UNC5D: variants seen among roughly 807,000 people sequenced by gnomAD.
The protein encoded by UNC5D is netrin receptor UNC5D.
A neutral mutation model predicts 105.4 loss-of-function variants in UNC5D; 39 were observed. The ratio of observed to expected loss-of-function variants is 0.37; its 90% CI spans 0.29 to 0.48. The LOEUF (loss-of-function observed/expected upper bound fraction) is 0.48. Ranked by LOEUF, UNC5D falls within the 20% of genes least tolerant of loss-of-function variation. The pLI is 0.98. For synonymous variants in UNC5D, 452 were observed against 450.4 expected, an observed-to-expected ratio of 1.00 and a Z score of -0.04; for missense variants, 991 against 1,202.4, an observed-to-expected ratio of 0.82 and a Z score of 2.60.
At chr8:35,568,007 A>G in intron 2 of UNC5D, 91 bp from the exon 3 acceptor site, 1 of 1,531,530 alleles carries the variant, frequency 6.5e-7, no homozygotes, top group Non-Finnish European at 8.8e-7. Context: ...GGATTGTTTA[A>G]TTAAAAAGAA....
At chr8:35,686,844 G>T in intron 7 of UNC5D, 135 bp downstream of exon 7, 1 of 1,138,768 alleles carries the variant, frequency 8.8e-7, no homozygotes, top group Non-Finnish European at 1.2e-6. Flanking sequence ...AAATAAATTA[G>T]GTAAAAAGTG....
chr8:35,270,064 G>A (rs978562972), intron 1 of UNC5D, among the ~76,000 whole-genome samples: 2 of 152,128 alleles, frequency 1.3e-5, no homozygotes, highest in Non-Finnish European at 2.9e-5. Flanking sequence ...GTGTATATCA[G>A]AAGATAATTG....
chr8:35,448,972 G>A (rs114610427), intron 1 of UNC5D, among the ~76,000 whole-genome samples: 2,585 of 152,148 alleles, frequency 0.017, 83 homozygotes, highest in African/African-American at 0.059. Context: ...GTAGTATTCC[G>A]TGGTGTGTGA....
chr8:35,313,008 C>A (rs1449042223), intron 1 of UNC5D, among the ~76,000 whole-genome samples: 1 of 152,132 alleles, frequency 6.6e-6, no homozygotes, highest in African/African-American at 2.4e-5. Context: ...AGCTGAGTAA[C>A]CACATTAAAA....
chr8:35,302,416 C>T (rs778478113), intron 1 of UNC5D, among the ~76,000 whole-genome samples: 19 of 152,210 alleles, frequency 1.2e-4, no homozygotes, highest in Non-Finnish European at 2.5e-4. Context: ...ATGAGAGCAT[C>T]GCAGGGCACT....
chr8:35,715,691 G>T (rs542450575), intron 8 of UNC5D, among the ~76,000 whole-genome samples: 38 of 152,238 alleles, frequency 2.5e-4, no homozygotes, highest in African/African-American at 9.1e-4. Flanking sequence ...GTGTTTGTAG[G>T]CAGGGGGCAA....
At chr8:35,318,696 T>A (rs1809485416) in intron 1 of UNC5D, among the ~76,000 whole-genome samples, 1 of 152,038 alleles carries the variant, frequency 6.6e-6, no homozygotes, top group Non-Finnish European at 1.5e-5. Flanking sequence ...TAAAGTAACT[T>A]CCCATTATAT....
intron 4 of UNC5D, among the ~76,000 whole-genome samples, chr8:35,679,605 A>T (rs1825518635): frequency 2.0e-5 from 3 of 152,160 alleles, no homozygotes; most frequent in Non-Finnish European, 4.4e-5. Flanking sequence ...TAGAGGTTTC[A>T]TTCTAAGTAA....
intron 1 of UNC5D, among the ~76,000 whole-genome samples, chr8:35,413,292 T>TGTGTGTGTGTGGTGTG (rs56157732): frequency 7.8e-6 from 1 of 127,978 alleles, no homozygotes; most frequent in Non-Finnish European, 1.6e-5. Context: ...TGTGTGTGTG[T>TGTGTGTGTGTGGTGTG]TGTGTGTGTG....
intron 1 of UNC5D, among the ~76,000 whole-genome samples, chr8:35,264,152 A>G (rs1672095272): frequency 1.3e-5 from 2 of 152,216 alleles, no homozygotes; most frequent in Non-Finnish European, 2.9e-5. Flanking sequence ...GCTCATCTAT[A>G]TCTAGCTATC....
At chr8:35,323,547 G>A (rs1302511633) in intron 1 of UNC5D, among the ~76,000 whole-genome samples, 2 of 152,040 alleles carry the variant, frequency 1.3e-5, no homozygotes, top group Non-Finnish European at 2.9e-5. Context: ...GCTGCTATTT[G>A]CACCAAGCAT....
intron 7 of UNC5D, among the ~76,000 whole-genome samples, chr8:35,705,374 T>C (rs1484209609): frequency 2.6e-5 from 4 of 152,170 alleles, no homozygotes; most frequent in Non-Finnish European, 5.9e-5. Flanking sequence ...TAGCAGATAA[T>C]GGAGATGTGA....
At chr8:35,736,828 A>G (rs1422321513) in intron 11 of UNC5D, among the ~76,000 whole-genome samples, 1 of 152,236 alleles carries the variant, frequency 6.6e-6, no homozygotes, top group Non-Finnish European at 1.5e-5. Context: ...GAAGAGTGAC[A>G]GGGAATGAGG....
chr8:35,278,617 T>C (rs1805936788), intron 1 of UNC5D, among the ~76,000 whole-genome samples: 1 of 152,060 alleles, frequency 6.6e-6, no homozygotes, highest in Non-Finnish European at 1.5e-5. Flanking sequence ...AAAAATTATA[T>C]ATGTATATGG....
intron 3 of UNC5D, among the ~76,000 whole-genome samples, chr8:35,587,743 A>G (rs1479557457): frequency 2.0e-5 from 3 of 151,938 alleles, no homozygotes; most frequent in Non-Finnish European, 4.4e-5. Context: ...CTGGCTTCTG[A>G]TACAGTTTGG....
At chr8:35,422,982 C>T (rs1279125524) in intron 1 of UNC5D, among the ~76,000 whole-genome samples, 3 of 152,160 alleles carry the variant, frequency 2.0e-5, no homozygotes, top group Non-Finnish European at 4.4e-5. Flanking sequence ...AGTGACTTGC[C>T]TCAGGTTATG....
At chr8:35,696,140 T>C (rs1826758130) in intron 7 of UNC5D, among the ~76,000 whole-genome samples, 1 of 152,194 alleles carries the variant, frequency 6.6e-6, no homozygotes, top group African/African-American at 2.4e-5. Context: ...CTAGACTGTA[T>C]AGCAATTTAT....
intron 1 of UNC5D, among the ~76,000 whole-genome samples, chr8:35,397,601 T>A (rs1411773557): frequency 2.6e-5 from 4 of 152,204 alleles, no homozygotes; most frequent in Non-Finnish European, 5.9e-5. Flanking sequence ...TTTCAGCTGG[T>A]CTTTGCTCTG....
chr8:35,451,716 A>G (rs866729101), intron 1 of UNC5D, among the ~76,000 whole-genome samples: 1 of 152,136 alleles, frequency 6.6e-6, no homozygotes, highest in Non-Finnish European at 1.5e-5. Context: ...TCCTCTGATT[A>G]CTGCATACAG....
Sources: gnomAD v4.1 joint callset for allele counts (sites outside exome capture counted in the v4.1 genomes callset) on GRCh38, gnomAD v4.1.1 for gene constraint, MANE v1.5 for transcripts, NCBI Gene and HGNC (gene_info 2026-07-23, HGNC 2026-07-21) for gene names.